Variants in F5 observed in about 807,000 individuals in gnomAD.
F5 encodes the protein activated protein c cofactor.
Under a neutral mutation model 216.4 loss-of-function variants are expected in F5, and 138 were observed. That is an observed-to-expected ratio of 0.64 (90% confidence interval 0.56 to 0.73). F5 has a LOEUF of 0.73. F5 is among the 30% of genes least tolerant of loss of function. The probability of loss-of-function intolerance (pLI) is 0.00; values close to 1 mark genes in which losing one functional copy is unlikely to be tolerated. For missense variants in F5, 2,403 were observed against 2,674.0 expected, an observed-to-expected ratio of 0.90 and a Z score of 2.24; for synonymous variants, 916 against 930.7, an observed-to-expected ratio of 0.98 and a Z score of 0.29.
chr1:169,546,608 G>C lies in F5; in HGVS notation c.1612-16C>G. The stretch of plus-strand genomic sequence containing the variant: ...CTGCTGCCCTCTGGAGGACAAAACA[G>C]TATAGTACTGGTACAAGAACAGACG... On this transcript the variant is annotated splice_polypyrimidine_tract_variant and intron_variant, in intron 10 of 24. Transcript: ENST00000367797. The C allele has an allele frequency of 6.2e-7, 1 of 1,612,628 alleles. No individual in the cohort carries two copies. Among genetic ancestry groups the C allele is most frequent in the Non-Finnish European group, 8.5e-7 (1 of 1,178,690 alleles).
Position 169,549,716 on chromosome 1 carries a change from C to T in F5, c.1611+85G>A, listed in dbSNP as rs72561750. On this transcript the variant is annotated intron_variant, in intron 10 of 24. Transcript: ENST00000367797. The stretch of plus-strand genomic sequence containing the variant: ...ATTACTGTTCTCTTGAAGGAAATGC[C>T]CCATTATTTAGCCAGGAGACCTAAC... The T allele has an allele frequency of 1.9e-4, 172 of 917,334 alleles. No individual in the cohort carries two copies. In the African/African-American group the frequency reaches 2.2e-3, roughly 12 times the overall value. 56.8% of individuals were successfully genotyped at this position (917,334 alleles called of 1,614,324 possible). A position where few individuals can be genotyped will look rare whatever the true frequency, so the allele number is the denominator to read the frequency against.
At chr1:169,556,145 A>T (rs929958259) in intron 6 of F5, among the ~76,000 whole-genome samples, 1 of 152,230 alleles carries the variant, frequency 6.6e-6, no homozygotes, top group South Asian at 2.1e-4. Flanking sequence ...CTCACCCCTC[A>T]GTATATGCCA....
Position 169,542,370 on chromosome 1 carries a change from C to T in F5, c.2720G>A (p.Trp907Ter), listed in dbSNP as rs1393213631. 1.2e-6 allele frequency: 2 copies of T among 1,613,918 alleles called. No homozygotes were observed. The highest frequency in any genetic ancestry group is 3.3e-5 in the Admixed American group (2 of 59,994). ...AGTGTCTTGGCTAGGAAGGTCCTCC[C>T]AGGGCCTCATTCCGGAAGGAGAACC... The part of the protein sequence containing the change: ...DTGSPSGMRP[W>*]EDLPSQDTGS... Residue 907 changes from tryptophan to a stop codon, truncating the protein, a stop_gained, in exon 13 of 25, where the codon TGG becomes TAG. Transcript: ENST00000367797. LOFTEE classifies it high-confidence loss of function.
chr1:169,526,694 T>C (rs1659460367), intron 17 of F5, among the ~76,000 whole-genome samples: 1 of 151,998 alleles, frequency 6.6e-6, no homozygotes, highest in Non-Finnish European at 1.5e-5. Context: ...TTTTCCTCTC[T>C]CCAATGCAGG....
chr1:169,566,372 C>A (rs1352789290), intron 3 of F5, among the ~76,000 whole-genome samples: 1 of 152,024 alleles, frequency 6.6e-6, no homozygotes, highest in Non-Finnish European at 1.5e-5. Flanking sequence ...TAGGAGATAA[C>A]TTTTGAAGTT....
rs776851493 is a variant in F5 at position 169,530,882 on chromosome 1, G to A, written c.5112C>T (p.Ser1704=). ...FKEDNAVQPN[S]SYTYVWHATE... ...TGGCATGCCATACGTAGGTATAACT[G>A]CTATTTGGCTGAACAGCATTATCTT... Residue 1704 remains serine (S), a synonymous_variant, in exon 15 of 25, where the codon AGC becomes AGT. Coordinates refer to ENST00000367797, the MANE Select transcript of F5 (RefSeq NM_000130.5). The A allele has an allele frequency of 3.7e-6, 6 of 1,613,824 alleles. No homozygotes were observed. Among genetic ancestry groups the A allele is most frequent in the East Asian group, 2.2e-5 (1 of 44,880 alleles).
chr1:169,533,543 G>C (rs1262229545), intron 14 of F5, among the ~76,000 whole-genome samples: 1 of 151,994 alleles, frequency 6.6e-6, no homozygotes, highest in Non-Finnish European at 1.5e-5. Context: ...TTAAACAATT[G>C]AACAAGCGAA....
At position 169,512,155 on chromosome 1, in the gene F5, C is replaced by A. The variant is rs967802255; in HGVS notation, c.*2158G>T. Among the ~76,000 whole-genome samples, 1 of 151,964 alleles carries A rather than the reference C, an allele frequency of 6.6e-6. No individual in the cohort carries two copies. The highest frequency in any genetic ancestry group is 1.5e-5 in the Non-Finnish European group (1 of 67,968). On this transcript the variant is annotated 3_prime_UTR_variant, in exon 25 of 25. Coordinates refer to ENST00000367797, the MANE Select transcript of F5 (RefSeq NM_000130.5). ...AAGTTTCATTTTATGGAAGAGAAAGCAGACTAAAAGTCTAGGGATATGATC... is the reference window on the plus strand; with the variant it reads ...AAGTTTCATTTTATGGAAGAGAAAGAAGACTAAAAGTCTAGGGATATGATC...
At chr1:169,546,100 A>G (rs1336482647) in intron 11 of F5, among the ~76,000 whole-genome samples, 2 of 152,006 alleles carry the variant, frequency 1.3e-5, no homozygotes, top group Non-Finnish European at 2.9e-5. Context: ...TCAGTCTAGG[A>G]TACTATTGAC....
At chr1:169,560,469 A>G in intron 4 of F5, 85 bp downstream of exon 4, 1 of 1,342,548 alleles carries the variant, frequency 7.4e-7, no homozygotes, top group Admixed American at 1.7e-5. Context: ...GAAGTTACCA[A>G]GATGCTCCCA....
intron 11 of F5, among the ~76,000 whole-genome samples, chr1:169,545,809 C>A (rs370759289): frequency 2.6e-5 from 4 of 152,188 alleles, no homozygotes; most frequent in African/African-American, 9.7e-5. Flanking sequence ...GGGACCCTGG[C>A]TGTTGTGGAG....
intron 5 of F5, 148 bp from the exon 6 acceptor site, chr1:169,557,015 G>A: frequency 2.8e-6 from 2 of 713,390 alleles, no homozygotes; most frequent in Non-Finnish European, 4.7e-6. Context: ...GTTGTAGTTT[G>A]TGCCCTGCAA....
Position 169,523,799 on chromosome 1 carries a change from A to G in F5, c.5892+2T>C. 1.2e-6 allele frequency: 2 copies of G among 1,609,404 alleles called. No homozygotes were observed. The highest frequency in any genetic ancestry group is 2.2e-5 in the South Asian group (2 of 90,988). On this transcript the variant is annotated splice_donor_variant, in intron 20 of 24. Transcript: ENST00000367797. LOFTEE classifies it high-confidence loss of function. Reference sequence around the variant, plus strand: ...AAATATTATCAGTCTATTAAGACAAACCTGGATCCAAGGTTTAGAGGCAAA... The same window carrying G: ...AAATATTATCAGTCTATTAAGACAAGCCTGGATCCAAGGTTTAGAGGCAAA...
At chr1:169,556,070 T>A (rs1660317269) in intron 6 of F5, among the ~76,000 whole-genome samples, 2 of 152,208 alleles carry the variant, frequency 1.3e-5, no homozygotes, top group South Asian at 4.1e-4. Flanking sequence ...TTATTTTGTT[T>A]ACACGATACC....
At chr1:169,515,102 T>C (rs754104110) in intron 24 of F5, among the ~76,000 whole-genome samples, 1 of 152,178 alleles carries the variant, frequency 6.6e-6, no homozygotes, top group Non-Finnish European at 1.5e-5. Flanking sequence ...TTATTTATTC[T>C]TGTTGGCATG....
intron 2 of F5, among the ~76,000 whole-genome samples, chr1:169,579,859 A>G (rs1314013976): frequency 1.3e-5 from 2 of 152,038 alleles, no homozygotes; most frequent in South Asian, 2.1e-4. Context: ...GGACAACATA[A>G]TCTTTCTAAA....
At chr1:169,519,571 T>C (rs1659243854) in intron 22 of F5, among the ~76,000 whole-genome samples, 1 of 152,206 alleles carries the variant, frequency 6.6e-6, no homozygotes, top group Non-Finnish European at 1.5e-5. Context: ...GGGTATACTG[T>C]GCCATTATCT....
At chr1:169,585,223 T>C (rs1661077014) in intron 1 of F5, among the ~76,000 whole-genome samples, 1 of 152,196 alleles carries the variant, frequency 6.6e-6, no homozygotes, top group Non-Finnish European at 1.5e-5. Flanking sequence ...AAGACCAAGA[T>C]GGTATGTAAT....
chr1:169,542,353 G>C lies in F5; in HGVS notation c.2737C>G (p.Gln913Glu). The part of the protein sequence containing the change: ...GMRPWEDLPS[Q>E]DTGSPSRMRP... ...ATTCTGGAAGGAGAACCAGTGTCTT[G>C]GCTAGGAAGGTCCTCCCAGGGCCTC... The change falls in exon 13 of 25, where the codon CAA (glutamine) becomes GAA (glutamate). Residue 913 changes from glutamine (Q) to glutamate (E), a missense_variant. Gln to Glu is a conservative substitution (Grantham distance 29). This residue lies in a region of F5 where 1,425 missense variants were observed against 1,554.8 expected (regional missense o/e 0.92). Transcript: ENST00000367797. 6.2e-7 allele frequency: 1 copy of C among 1,601,074 alleles called. No homozygotes were observed. The highest frequency in any genetic ancestry group is 1.1e-5 in the South Asian group (1 of 90,012).
Sources: gnomAD v4.1 joint callset for allele counts (sites outside exome capture counted in the v4.1 genomes callset) on GRCh38, gnomAD v4.1.1 for gene constraint, gnomAD v4.1.1 regional missense constraint, MANE v1.5 for transcripts, NCBI Gene and HGNC (gene_info 2026-07-23, HGNC 2026-07-21) for gene names.